POLB: variants seen among roughly 807,000 people sequenced by gnomAD.
POLB encodes 5'-dRP lyase.
POLB carries 37 observed loss-of-function variants against 52.7 expected under a neutral mutation model. The observed-to-expected ratio is 0.70, with a 90% CI of 0.54 to 0.92. POLB has a LOEUF of 0.92. Ranked by LOEUF, POLB falls within the 40% of genes least tolerant of loss-of-function variation. The pLI, the probability that POLB is intolerant of heterozygous loss-of-function variation, is 0.00. For synonymous variants in POLB, 138 were observed against 131.3 expected (o/e 1.05, Z -0.35); for missense variants, 313 against 400.8 (o/e 0.78, Z 1.87).
chr8:42,339,608 A>G (rs1293916722), intron 2 of POLB: 1 of 152,308 alleles, frequency 6.6e-6, no homozygotes, highest in African/African-American at 2.4e-5. Flanking sequence ...TCGCTGTGGT[A>G]TGATCATGGC....
At chr8:42,356,939 A>C (rs1240102310) in intron 7 of POLB, among the ~76,000 whole-genome samples, 1 of 152,176 alleles carries the variant, frequency 6.6e-6, no homozygotes, top group Non-Finnish European at 1.5e-5. Flanking sequence ...GAGCCTTTGA[A>C]ATATTACAAA....
chr8:42,366,858 A>G (rs1284315651), intron 11 of POLB, among the ~76,000 whole-genome samples: 1 of 152,236 alleles, frequency 6.6e-6, no homozygotes, highest in Non-Finnish European at 1.5e-5. Context: ...GAAACTTTGA[A>G]GAGTTTGTAC....
chr8:42,355,285 G>A (rs1038830547), intron 6 of POLB, among the ~76,000 whole-genome samples: 3 of 151,642 alleles, frequency 2.0e-5, no homozygotes, highest in Admixed American at 6.6e-5. Flanking sequence ...TGATCCGCCC[G>A]CCTCGGCCTC....
rs1038196269 is a variant in POLB, at chr8:42,348,875, G to A, written c.187-141G>A. ...TTCGGGAGAATTTATTTTCACTGGG[G>A]TTCAATTTTCTGTGTCCTTTATTTC... On this transcript the variant is annotated intron_variant, in intron 3 of 13. Transcript: ENST00000265421. 5.9e-6 allele frequency: 3 copies of A among 507,692 alleles called. No individual in the cohort carries two copies. The African/African-American group carries it at 6.0e-5, about 10-fold the overall frequency. 31.4% of individuals were successfully genotyped at this position (507,692 alleles called of 1,614,324 possible).
intron 5 of POLB, among the ~76,000 whole-genome samples, chr8:42,352,208 A>G (rs1585887594): frequency 6.6e-6 from 1 of 152,358 alleles, no homozygotes; most frequent in Admixed American, 6.5e-5. Context: ...CCAGGAAAGT[A>G]TCTGACACAT....
intron 6 of POLB, chr8:42,354,363 G>C: frequency 1.5e-6 from 1 of 675,244 alleles, no homozygotes; most frequent in Non-Finnish European, 2.3e-6. Context: ...GGCTATAAGG[G>C]GGCTTGTAGG....
intron 9 of POLB, among the ~76,000 whole-genome samples, chr8:42,359,215 A>G (rs1383869191): frequency 6.6e-6 from 1 of 152,146 alleles, no homozygotes; most frequent in East Asian, 1.9e-4. Flanking sequence ...ACAACTAAAT[A>G]CTAGTATACC....
chr8:42,351,367 A>C (rs930479869), intron 5 of POLB, among the ~76,000 whole-genome samples: 2 of 152,294 alleles, frequency 1.3e-5, no homozygotes, highest in Admixed American at 6.5e-5. Flanking sequence ...TGATATTTGC[A>C]TAGCTTACTG....
At chr8:42,355,799 T>C (rs1354500433) in intron 7 of POLB, among the ~76,000 whole-genome samples, 2 of 152,170 alleles carry the variant, frequency 1.3e-5, no homozygotes, top group East Asian at 1.9e-4. Context: ...CTTTTGACTT[T>C]AGCAGGGAAC....
At chr8:42,364,522 C>T (rs934677335) in intron 11 of POLB, among the ~76,000 whole-genome samples, 4 of 152,298 alleles carry the variant, frequency 2.6e-5, no homozygotes, top group African/African-American at 9.6e-5. Context: ...AGCCACTGTG[C>T]CCGGGCCTCT....
intron 11 of POLB, among the ~76,000 whole-genome samples, chr8:42,364,795 G>C (rs75134839): frequency 1.3e-5 from 2 of 152,176 alleles, no homozygotes; most frequent in African/African-American, 4.8e-5. Context: ...CTGGAAGGAG[G>C]GGGTAATAGG....
Position 42,351,849 on chromosome 8 carries a change from C to T in POLB, c.321-670C>T, listed in dbSNP as rs556914189. ...AAAGCACAGTAGAGTGTAACACCTG[C>T]GTACTGTTCCATAGCACCTCATACC... On this transcript the variant is annotated intron_variant, in intron 5 of 13. Coordinates refer to ENST00000265421, the MANE Select transcript of POLB (RefSeq NM_002690.3). Among the ~76,000 whole-genome samples, 20 of 152,324 alleles carry T rather than the reference C, an allele frequency of 1.3e-4. No homozygotes were observed. The East Asian group carries it at 2.3e-3, about 18-fold the overall frequency.
rs892295475 is a variant in POLB at position 42,338,500 on chromosome 8, C to A, written c.-125C>A. Reference sequence around the variant, plus strand: ...CCCCCCATCGGGGGCAACCATTGTTCCGCCGGTCGCGCCGGAGCTGGGTTG... The same window carrying A: ...CCCCCCATCGGGGGCAACCATTGTTACGCCGGTCGCGCCGGAGCTGGGTTG... On this transcript the variant is annotated 5_prime_UTR_variant, in exon 1 of 14. Transcript: ENST00000265421. The A allele has an allele frequency of 1.3e-6, 1 of 797,846 alleles. No homozygotes were observed. Among genetic ancestry groups the A allele is most frequent in the Non-Finnish European group, 2.1e-6 (1 of 466,274 alleles). 49.4% of individuals were successfully genotyped at this position (797,846 alleles called of 1,614,324 possible).
intron 6 of POLB, among the ~76,000 whole-genome samples, chr8:42,354,100 G>A (rs922464220): frequency 6.6e-6 from 1 of 152,186 alleles, no homozygotes; most frequent in Non-Finnish European, 1.5e-5. Flanking sequence ...GTATTGAGTT[G>A]CATCTCTTGG....
At chr8:42,367,622 C>G (rs1374598196) in intron 11 of POLB, among the ~76,000 whole-genome samples, 1 of 152,186 alleles carries the variant, frequency 6.6e-6, no homozygotes, top group African/African-American at 2.4e-5. Context: ...TCACCACTTA[C>G]TAGTCTTAAA....
At chr8:42,367,055 A>G (rs1585919759) in intron 11 of POLB, among the ~76,000 whole-genome samples, 1 of 152,210 alleles carries the variant, frequency 6.6e-6, no homozygotes, top group East Asian at 1.9e-4. Flanking sequence ...GGATGGTGCC[A>G]TGAAAGGAGA....
At chr8:42,349,658 G>A (rs1191742971) in intron 4 of POLB, among the ~76,000 whole-genome samples, 1 of 152,204 alleles carries the variant, frequency 6.6e-6, no homozygotes, top group Non-Finnish European at 1.5e-5. Flanking sequence ...AAAGTGCTGG[G>A]ATTACAGGCA....
At chr8:42,358,881 A>T (rs1478412449) in intron 9 of POLB, among the ~76,000 whole-genome samples, 2 of 151,632 alleles carry the variant, frequency 1.3e-5, no homozygotes, top group Admixed American at 6.6e-5. Context: ...CCTAGGACTT[A>T]AAAAAAAATA....
intron 5 of POLB, among the ~76,000 whole-genome samples, chr8:42,351,433 A>G (rs1822974684): frequency 2.0e-5 from 3 of 152,136 alleles, no homozygotes; most frequent in Admixed American, 2.0e-4. Context: ...TTGTGCTTGT[A>G]TGTTTATATG....
Sources: gnomAD v4.1 joint callset for allele counts (sites outside exome capture counted in the v4.1 genomes callset) on GRCh38, gnomAD v4.1.1 for gene constraint, MANE v1.5 for transcripts, NCBI Gene and HGNC (gene_info 2026-07-23, HGNC 2026-07-21) for gene names.